The following SUCLG2 variants were observed in gnomAD, a reference collection of about 807,000 sequenced individuals.
SUCLG2 encodes succinate--CoA ligase [GDP-forming] subunit beta, mitochondrial.
In SUCLG2, 42 loss-of-function variants were observed where a neutral mutation model predicts 47.9. That is an observed-to-expected ratio of 0.88 (90% CI 0.69 to 1.14). The LOEUF is 1.14. Among genes scored for constraint, SUCLG2 ranks in the 50% most tolerant of loss-of-function variants. The probability of loss-of-function intolerance (pLI) is 0.00; values close to 1 mark genes in which losing one functional copy is unlikely to be tolerated. For missense variants in SUCLG2, 571 were observed against 525.9 expected (o/e 1.09, Z -0.84); for synonymous variants, 195 against 197.3 (o/e 0.99, Z 0.10).
At chr3:67,419,264 T>A (rs554195426) in intron 9 of SUCLG2, among the ~76,000 whole-genome samples, 66 of 152,330 alleles carry the variant, frequency 4.3e-4, no homozygotes, top group African/African-American at 1.5e-3. Flanking sequence ...GATACGCTTA[T>A]CACACCCCAC....
intron 2 of SUCLG2, among the ~76,000 whole-genome samples, chr3:67,605,880 T>C (rs1236672841): frequency 6.6e-6 from 1 of 152,076 alleles, no homozygotes; most frequent in Non-Finnish European, 1.5e-5. Context: ...AACACGTCAA[T>C]GCAACATTGC....
At chr3:67,515,741 T>C (rs1013313793) in intron 6 of SUCLG2, among the ~76,000 whole-genome samples, 1 of 152,150 alleles carries the variant, frequency 6.6e-6, no homozygotes, top group South Asian at 2.1e-4. Context: ...CATCTGCTCA[T>C]TGTACACTGG....
intron 9 of SUCLG2, among the ~76,000 whole-genome samples, chr3:67,441,167 G>A (rs1239340992): frequency 2.0e-5 from 3 of 151,982 alleles, no homozygotes; most frequent in Non-Finnish European, 4.4e-5. Context: ...ATAAGTAGGA[G>A]TTGAACAATG....
chr3:67,594,413 G>A, intron 2 of SUCLG2, among the ~76,000 whole-genome samples: 1 of 152,114 alleles, frequency 6.6e-6, no homozygotes, highest in Non-Finnish European at 1.5e-5. Context: ...TGATAAAGCT[G>A]TTTCTAGTTC....
chr3:67,410,555 C>G (rs1423626484), intron 9 of SUCLG2, among the ~76,000 whole-genome samples: 1 of 152,054 alleles, frequency 6.6e-6, no homozygotes, highest in Admixed American at 6.6e-5. Context: ...GAACCACTGC[C>G]ATGATTACAA....
chr3:67,406,247 G>A (rs1702805416), intron 9 of SUCLG2, among the ~76,000 whole-genome samples: 1 of 152,140 alleles, frequency 6.6e-6, no homozygotes, highest in Non-Finnish European at 1.5e-5. Context: ...TTGCAAGACT[G>A]CTCAATAAAA....
At chr3:67,535,406 G>T (rs899760288) in intron 2 of SUCLG2, among the ~76,000 whole-genome samples, 1 of 152,002 alleles carries the variant, frequency 6.6e-6, no homozygotes, top group Non-Finnish European at 1.5e-5. Flanking sequence ...GGCAAAGGAG[G>T]AGCTGGGGAA....
At chr3:67,464,025 C>G (rs899927128) in intron 9 of SUCLG2, among the ~76,000 whole-genome samples, 1 of 152,206 alleles carries the variant, frequency 6.6e-6, no homozygotes, top group Non-Finnish European at 1.5e-5. Context: ...GCATTTGAAG[C>G]AATTTTCTCT....
chr3:67,532,721 T>A (rs1317780342), intron 2 of SUCLG2, among the ~76,000 whole-genome samples: 2 of 152,220 alleles, frequency 1.3e-5, no homozygotes, highest in African/African-American at 4.8e-5. Flanking sequence ...CTTATAAATA[T>A]GTAAGACTCT....
intron 2 of SUCLG2, among the ~76,000 whole-genome samples, chr3:67,607,665 G>T (rs573412703): frequency 2.6e-5 from 4 of 152,238 alleles, no homozygotes; most frequent in African/African-American, 9.6e-5. Context: ...ATATGGTTTG[G>T]CTGTCCCCAC....
At chr3:67,594,171 A>T (rs1395138315) in intron 2 of SUCLG2, among the ~76,000 whole-genome samples, 2 of 152,134 alleles carry the variant, frequency 1.3e-5, no homozygotes, top group East Asian at 3.9e-4. Context: ...AGAACAAATG[A>T]CTCCCTGAGT....
intron 2 of SUCLG2, among the ~76,000 whole-genome samples, chr3:67,548,992 G>A (rs1032720801): frequency 1.1e-4 from 16 of 151,990 alleles, no homozygotes; most frequent in African/African-American, 3.9e-4. Context: ...GAGTTCAAAT[G>A]GGAATTTTTT....
intron 10 of SUCLG2, among the ~76,000 whole-genome samples, chr3:67,396,869 T>C (rs1264077573): frequency 6.6e-6 from 1 of 152,138 alleles, no homozygotes; most frequent in East Asian, 1.9e-4. Context: ...TGGTTCAATA[T>C]ACGAAAATAA....
intron 4 of SUCLG2, among the ~76,000 whole-genome samples, chr3:67,526,980 C>G (rs1008904510): frequency 6.6e-6 from 1 of 152,124 alleles, no homozygotes; most frequent in Non-Finnish European, 1.5e-5. Flanking sequence ...ACATCCATAT[C>G]ATAGATTGCT....
intron 10 of SUCLG2, among the ~76,000 whole-genome samples, chr3:67,394,474 A>G (rs558374083): frequency 1.3e-4 from 20 of 148,752 alleles, no homozygotes; most frequent in African/African-American, 5.0e-4. Flanking sequence ...TTTAGAGAAA[A>G]AAGAATAAAA....
intron 4 of SUCLG2, 46 bp downstream of exon 4, chr3:67,528,086 A>T (rs745677531): frequency 1.9e-6 from 3 of 1,541,658 alleles, no homozygotes. Context: ...TTTCTTTTCT[A>T]TTTTTTAACA....
intron 2 of SUCLG2, among the ~76,000 whole-genome samples, chr3:67,561,243 C>A (rs1458263564): frequency 1.3e-5 from 2 of 151,648 alleles, no homozygotes; most frequent in Non-Finnish European, 2.9e-5. Flanking sequence ...AAGCACTGTG[C>A]CTATTATCTT....
At chr3:67,479,560 G>A (rs1448988613) in intron 9 of SUCLG2, among the ~76,000 whole-genome samples, 2 of 152,174 alleles carry the variant, frequency 1.3e-5, no homozygotes, top group Non-Finnish European at 2.9e-5. Flanking sequence ...AATGAAGGTT[G>A]TACTCTGTAG....
chr3:67,629,728 T>C (rs892414465), intron 1 of SUCLG2, among the ~76,000 whole-genome samples: 1 of 152,060 alleles, frequency 6.6e-6, no homozygotes, highest in African/African-American at 2.4e-5. Flanking sequence ...CTTAAAACTA[T>C]TTAAAGGGCC....
Sources: allele counts gnomAD v4.1 joint callset (sites outside exome capture counted in the v4.1 genomes callset), GRCh38; gene constraint gnomAD v4.1.1; transcripts MANE v1.5; gene names NCBI Gene and HGNC (gene_info 2026-07-23, HGNC 2026-07-21).